SKA3: variants seen among roughly 807,000 people sequenced by gnomAD.
SKA3 encodes spindle and kinetochore-associated protein 3.
Under a neutral mutation model 44.2 loss-of-function variants are expected in SKA3, and 39 were observed. The ratio of observed to expected loss-of-function variants is 0.88; its 90% CI spans 0.68 to 1.15. The LOEUF (loss-of-function observed/expected upper bound fraction) is 1.15. Among genes scored for constraint, SKA3 ranks in the 50% most tolerant of loss-of-function variants. The probability of loss-of-function intolerance (pLI) is 0.00; values close to 1 mark genes in which losing one functional copy is unlikely to be tolerated. For missense variants in SKA3, 511 were observed against 485.8 expected (o/e 1.05, Z -0.49); for synonymous variants, 192 against 172.0 (o/e 1.12, Z -0.91).
In SKA3 at chr13:21,158,061, C is replaced by T. The variant is rs781154501; in HGVS notation, c.980G>A (p.Arg327His). The change falls in exon 7 of 9, where the codon CGT (arginine) becomes CAT (histidine). Residue 327 changes from arginine (R) to histidine (H), a missense_variant. Arg to His is a conservative substitution (Grantham distance 29). Coordinates refer to ENST00000314759, the MANE Select transcript of SKA3 (RefSeq NM_145061.6). Reference protein sequence around the residue: ...SSSNDLEVEDRTSLVLNSDTC... With the variant: ...SSSNDLEVEDHTSLVLNSDTC... Reference sequence around the variant, plus strand: ...GTCTGAATTTAAAACCAACGAAGTACGATCTTCAACTTCCAAATCATTTGA... The same window carrying T: ...GTCTGAATTTAAAACCAACGAAGTATGATCTTCAACTTCCAAATCATTTGA... 36 of 1,612,778 alleles carry T rather than the reference C, an allele frequency of 2.2e-5. No individual in the cohort carries two copies. Among genetic ancestry groups the T allele is most frequent in the South Asian group, 5.5e-5 (5 of 91,054 alleles).
At position 21,158,020 on chromosome 13, in the gene SKA3, A is replaced by C. The variant is rs1485529759; in HGVS notation, c.1021T>G (p.Leu341Val). 6.2e-7 allele frequency: 1 copy of C among 1,613,478 alleles called. No individual in the cohort carries two copies. Among genetic ancestry groups the C allele is most frequent in the Non-Finnish European group, 8.5e-7 (1 of 1,179,448 alleles). Reference sequence around the variant, plus strand: ...ATCGTAGGTGAAGAGGGATCTGTTAAATTCTCAAAGCATGTGTCTGAATTT... The same window carrying C: ...ATCGTAGGTGAAGAGGGATCTGTTACATTCTCAAAGCATGTGTCTGAATTT... Reference protein sequence around the residue: ...VLNSDTCFENLTDPSSPTISS... With the variant: ...VLNSDTCFENVTDPSSPTISS... The change falls in exon 7 of 9, where the codon TTA becomes GTA. Residue 341 changes from leucine to valine, a missense_variant. Transcript: ENST00000314759.
At chr13:21,161,954 A>G in intron 4 of SKA3, 79 bp from the exon 5 acceptor site, 2 of 843,174 alleles carry the variant, frequency 2.4e-6, no homozygotes, top group Non-Finnish European at 3.4e-6. Flanking sequence ...ACCTTACTAA[A>G]TATCAAGTTT....
chr13:21,166,630 T>C (rs1471224846), intron 4 of SKA3, among the ~76,000 whole-genome samples: 1 of 152,096 alleles, frequency 6.6e-6, no homozygotes, highest in Admixed American at 6.6e-5. Flanking sequence ...GCTACTTAGG[T>C]GGCTGAGGCA....
intron 7 of SKA3, among the ~76,000 whole-genome samples, chr13:21,156,738 C>T (rs1486558986): frequency 6.6e-6 from 1 of 152,166 alleles, no homozygotes; most frequent in Non-Finnish European, 1.5e-5. Context: ...CTCCATAAGT[C>T]AGGAAGACTT....
chr13:21,158,628 A>G (rs909162484), intron 6 of SKA3, among the ~76,000 whole-genome samples: 1 of 152,156 alleles, frequency 6.6e-6, no homozygotes. Context: ...CACAAACAAA[A>G]CAAAACAAAA....
In SKA3 at chr13:21,168,013, G is replaced by GTGTAATTCC; in HGVS notation, c.717_718insGGAATTACA (p.Gly239_Leu240insGlyIleThr). On this transcript the variant is annotated inframe_insertion, in exon 4 of 9. Coordinates refer to ENST00000314759, the MANE Select transcript of SKA3 (RefSeq NM_145061.6). ...CTTTTATTATTCCTCGCATTTTTAA[G>GTGTAATTCC]TCCCATTGTGTAATCTTCATTTAAA... The GTGTAATTCC allele has an allele frequency of 6.3e-7, 1 of 1,590,002 alleles. No individual in the cohort carries two copies. Among genetic ancestry groups the GTGTAATTCC allele is most frequent in the Non-Finnish European group, 8.6e-7 (1 of 1,168,394 alleles).
chr13:21,161,284 A>C (rs1486502190), intron 5 of SKA3, among the ~76,000 whole-genome samples: 1 of 152,144 alleles, frequency 6.6e-6, no homozygotes, highest in Non-Finnish European at 1.5e-5. Flanking sequence ...AAAACAAAAC[A>C]AAAAAATCAT....
intron 7 of SKA3, 35 bp from the exon 8 acceptor site, chr13:21,155,846 C>T: frequency 1.1e-6 from 1 of 883,524 alleles, no homozygotes. Flanking sequence ...TTTTATCGAG[C>T]CATATGAATA....
intron 7 of SKA3, among the ~76,000 whole-genome samples, 199 bp downstream of exon 7, chr13:21,157,723 G>T (rs1479289248): frequency 6.6e-6 from 1 of 152,158 alleles, no homozygotes; most frequent in Non-Finnish European, 1.5e-5. Context: ...ATGGAACCAT[G>T]ATCGACATGG....
At chr13:21,164,510 A>C (rs1870602966) in intron 4 of SKA3, among the ~76,000 whole-genome samples, 1 of 152,254 alleles carries the variant, frequency 6.6e-6, no homozygotes, top group African/African-American at 2.4e-5. Flanking sequence ...TGACAATGAT[A>C]TATGAACACA....
chr13:21,164,136 T>C (rs911110782), intron 4 of SKA3, among the ~76,000 whole-genome samples: 2 of 152,150 alleles, frequency 1.3e-5, no homozygotes, highest in Admixed American at 6.6e-5. Flanking sequence ...TTACTGCATA[T>C]GGGTTTTTAA....
intron 1 of SKA3, among the ~76,000 whole-genome samples, chr13:21,175,501 CT>C (rs1162201455): frequency 6.6e-6 from 1 of 151,968 alleles, no homozygotes; most frequent in African/African-American, 2.4e-5. Flanking sequence ...TGGTCTCGAT[CT>C]CCTGACCTTG....
Position 21,154,877 on chromosome 13 carries a change from C to T in SKA3, c.*273G>A, listed in dbSNP as rs1282122263. 35 of 563,612 alleles carry T rather than the reference C, an allele frequency of 6.2e-5. No individual in the cohort carries two copies. Among genetic ancestry groups the T allele is most frequent in the Non-Finnish European group, 1.0e-4 (33 of 322,854 alleles). The allele number at this position is 563,612 out of a possible 1,614,324, so 34.9% of individuals were successfully genotyped here. On this transcript the variant is annotated 3_prime_UTR_variant, in exon 9 of 9. Coordinates refer to ENST00000314759, the MANE Select transcript of SKA3 (RefSeq NM_145061.6). Reference sequence around the variant, plus strand: ...TCCTACTTCCTGGTACTACTTAAACCATTCTGTTGATTAAGCTGGGTAATT... The same window carrying T: ...TCCTACTTCCTGGTACTACTTAAACTATTCTGTTGATTAAGCTGGGTAATT...
chr13:21,163,355 A>C (rs1028589212), intron 4 of SKA3, among the ~76,000 whole-genome samples: 6 of 152,036 alleles, frequency 3.9e-5, no homozygotes, highest in Non-Finnish European at 7.4e-5. Flanking sequence ...CTCTTAATAT[A>C]ATTTTTGTGC....
chr13:21,176,265 T>C (rs1202926601), intron 1 of SKA3, 110 bp downstream of exon 1: 1 of 911,874 alleles, frequency 1.1e-6, no homozygotes, highest in Non-Finnish European at 1.6e-6. Context: ...GTGGCAGCCG[T>C]CCACGCCGTC....
chr13:21,171,131 T>A (rs1316463812), intron 3 of SKA3, among the ~76,000 whole-genome samples: 1 of 152,066 alleles, frequency 6.6e-6, no homozygotes, highest in Non-Finnish European at 1.5e-5. Context: ...CAGAGTCTCA[T>A]TATGTAGCCC....
At chr13:21,164,625 T>G (rs1296681452) in intron 4 of SKA3, among the ~76,000 whole-genome samples, 1 of 152,264 alleles carries the variant, frequency 6.6e-6, no homozygotes, top group African/African-American at 2.4e-5. Flanking sequence ...TTCCTGTCCA[T>G]TGCCTAGGCT....
At chr13:21,163,573 T>A (rs147379543) in intron 4 of SKA3, among the ~76,000 whole-genome samples, 129 of 152,290 alleles carry the variant, frequency 8.5e-4, no homozygotes, top group African/African-American at 2.8e-3. Flanking sequence ...ATATAACCTG[T>A]CTTTTTTGGT....
rs2137368375 is a variant in SKA3 at position 21,164,501 on chromosome 13, G to C, written c.744-2626C>G. Among the ~76,000 whole-genome samples, 2 of 152,278 alleles carry C rather than the reference G, an allele frequency of 1.3e-5. 1 individual carries two copies. The highest frequency in any genetic ancestry group is 4.8e-5 in the African/African-American group (2 of 41,556). The stretch of plus-strand genomic sequence containing the variant: ...TCAACTCTTTCCATGATACATTCCT[G>C]ACAATGATATATGAACACACGTTTC... On this transcript the variant is annotated intron_variant, in intron 4 of 8. Coordinates refer to ENST00000314759, the MANE Select transcript of SKA3 (RefSeq NM_145061.6).
Sources: allele counts gnomAD v4.1 joint callset (sites outside exome capture counted in the v4.1 genomes callset), GRCh38; gene constraint gnomAD v4.1.1; transcripts MANE v1.5; gene names NCBI Gene and HGNC (gene_info 2026-07-23, HGNC 2026-07-21).